The following EXOC6B variants were observed in gnomAD, a reference collection of about 807,000 sequenced individuals.
EXOC6B encodes the protein SEC15 homolog B.
In EXOC6B, 54 loss-of-function variants were observed where a neutral mutation model predicts 113.5. The observed-to-expected ratio is 0.48, with a 90% CI of 0.38 to 0.60. The LOEUF (loss-of-function observed/expected upper bound fraction) is 0.60. Among genes scored for constraint, EXOC6B ranks in the 20% least tolerant of loss-of-function variants. The pLI is 0.00. For missense variants in EXOC6B, 797 were observed against 977.5 expected (o/e 0.82, Z 2.46); for synonymous variants, 357 against 339.0 (o/e 1.05, Z -0.58).
At chr2:72,546,988 C>G (rs1256227786) in intron 8 of EXOC6B, among the ~76,000 whole-genome samples, 1 of 152,216 alleles carries the variant, frequency 6.6e-6, no homozygotes, top group African/African-American at 2.4e-5. Flanking sequence ...GGGATTCTTT[C>G]TGGGTCTATG....
At chr2:72,459,415 G>C (rs1279699922) in intron 18 of EXOC6B, among the ~76,000 whole-genome samples, 4 of 152,166 alleles carry the variant, frequency 2.6e-5, no homozygotes, top group Admixed American at 2.6e-4. Context: ...AAGTCAAATT[G>C]TCCCTGTTTG....
At position 72,397,625 on chromosome 2, in the gene EXOC6B, A is replaced by AAAT. The variant is rs1558625580; in HGVS notation, c.1981-17756_1981-17755insATT. On this transcript the variant is annotated intron_variant, in intron 18 of 21. Coordinates refer to ENST00000272427, the MANE Select transcript of EXOC6B (RefSeq NM_015189.3). The stretch of plus-strand genomic sequence containing the variant: ...CAGGTGAAACCTCATCTCAAAAAAA[A>AAAT]AAAATAAAATAAAATAAAATAAAAT... Among the ~76,000 whole-genome samples, 407 of 104,062 alleles carry AAAT rather than the reference A, an allele frequency of 3.9e-3. 3 individuals carry two copies. The highest frequency in any genetic ancestry group is 0.029 in the African/African-American group (371 of 12,618). The allele number at this position is 104,062 out of a possible 152,430, so 68.3% of individuals were successfully genotyped here.
chr2:72,467,943 G>C (rs1357094942), intron 17 of EXOC6B, among the ~76,000 whole-genome samples: 1 of 151,768 alleles, frequency 6.6e-6, no homozygotes, highest in Admixed American at 6.6e-5. Context: ...GCTAATTTTT[G>C]TATATTTAGT....
At position 72,448,091 on chromosome 2, in the gene EXOC6B, A is replaced by G. The variant is rs369169108; in HGVS notation, c.1980+17069T>C. ...TCCTTATGTGCCATTTAAGGCATTC[A>G]TGTTCAAGACACTATCTACGATACT... On this transcript the variant is annotated intron_variant, in intron 18 of 21. Transcript: ENST00000272427. 1.4e-4 allele frequency among the ~76,000 whole-genome samples: 22 copies of G among 152,306 alleles called. 2 individuals carry two copies. The highest frequency in any genetic ancestry group is 4.6e-4 in the African/African-American group (19 of 41,564).
At chr2:72,264,995 A>G (rs1011489054) in intron 20 of EXOC6B, among the ~76,000 whole-genome samples, 1 of 152,078 alleles carries the variant, frequency 6.6e-6, no homozygotes, top group Non-Finnish European at 1.5e-5. Context: ...GGTAGCTGCT[A>G]TAAAGATACC....
chr2:72,497,278 A>G (rs1700087866), intron 13 of EXOC6B, among the ~76,000 whole-genome samples: 1 of 151,998 alleles, frequency 6.6e-6, no homozygotes, highest in African/African-American at 2.4e-5. Flanking sequence ...TGGCCCATTG[A>G]TAAGGTTTTT....
chr2:72,379,217 A>G (rs56718524), intron 19 of EXOC6B, among the ~76,000 whole-genome samples: 29,478 of 152,136 alleles, frequency 0.19, 5,164 homozygotes, highest in African/African-American at 0.47. Flanking sequence ...AAACCAATAC[A>G]GCAACTGACT....
At chr2:72,635,066 C>T (rs909799771) in intron 6 of EXOC6B, among the ~76,000 whole-genome samples, 3 of 151,784 alleles carry the variant, frequency 2.0e-5, no homozygotes, top group Non-Finnish European at 4.4e-5. Context: ...ATAGCTAATG[C>T]AAGGAGGAAA....
chr2:72,205,552 G>C (rs1366198386), intron 20 of EXOC6B, among the ~76,000 whole-genome samples: 1 of 152,172 alleles, frequency 6.6e-6, no homozygotes, highest in African/African-American at 2.4e-5. Context: ...CCCAGACTGA[G>C]GTGATAGGCG....
chr2:72,516,752 T>C (rs1050561327), intron 8 of EXOC6B, among the ~76,000 whole-genome samples: 1 of 152,194 alleles, frequency 6.6e-6, no homozygotes, highest in African/African-American at 2.4e-5. Flanking sequence ...CTTTCACTAA[T>C]AAGTGTGCCA....
rs549939694 is a variant in EXOC6B at position 72,777,759 on chromosome 2, T to C, written c.114-36290A>G. On this transcript the variant is annotated intron_variant, in intron 1 of 21. Coordinates refer to ENST00000272427, the MANE Select transcript of EXOC6B (RefSeq NM_015189.3). ...CTGCAAAAAACAATACATATCTCTG[T>C]TGATGAGCATACATTGTATAAAGAT... Among the ~76,000 whole-genome samples, 17 of 152,132 alleles carry C rather than the reference T, an allele frequency of 1.1e-4. No individual in the cohort carries two copies. In the South Asian group the frequency reaches 3.3e-3, roughly 30 times the overall value.
At chr2:72,382,705 G>A (rs1213190594) in intron 18 of EXOC6B, among the ~76,000 whole-genome samples, 1 of 151,892 alleles carries the variant, frequency 6.6e-6, no homozygotes, top group African/African-American at 2.4e-5. Context: ...TGATTTATTT[G>A]AGCAGTGTTT....
Position 72,522,420 on chromosome 2 carries a change from CT to C in EXOC6B, c.916-7295del, listed in dbSNP as rs377232850. On this transcript the variant is annotated intron_variant, in intron 8 of 21. Coordinates refer to ENST00000272427, the MANE Select transcript of EXOC6B (RefSeq NM_015189.3). ...TCTCAGGCAACATTGGAAATAGTTT[CT>C]TTTTTTTTAACCTTTTGTTTATAGC... Among the ~76,000 whole-genome samples, 754 of 151,148 alleles carry C rather than the reference CT, an allele frequency of 5.0e-3. 11 individuals are homozygous for C. Among genetic ancestry groups the C allele is most frequent in the African/African-American group, 0.017 (696 of 41,208 alleles).
intron 18 of EXOC6B, among the ~76,000 whole-genome samples, chr2:72,410,241 C>A (rs1293932896): frequency 1.3e-5 from 2 of 152,218 alleles, no homozygotes; most frequent in African/African-American, 4.8e-5. Flanking sequence ...AGCTATATCA[C>A]AAATTATATG....
chr2:72,753,930 T>C (rs1682226303), intron 1 of EXOC6B, among the ~76,000 whole-genome samples: 1 of 152,154 alleles, frequency 6.6e-6, no homozygotes, highest in African/African-American at 2.4e-5. Flanking sequence ...CTTACCTTTT[T>C]AGTTTTTAGG....
At chr2:72,425,409 C>T (rs1462239678) in intron 18 of EXOC6B, among the ~76,000 whole-genome samples, 1 of 152,118 alleles carries the variant, frequency 6.6e-6, no homozygotes, top group Admixed American at 6.6e-5. Flanking sequence ...CATGTTATTA[C>T]TGATTGGAAG....
At chr2:72,707,226 T>C (rs952773509) in intron 6 of EXOC6B, among the ~76,000 whole-genome samples, 1 of 152,196 alleles carries the variant, frequency 6.6e-6, no homozygotes, top group African/African-American at 2.4e-5. Context: ...GCAGAAATAG[T>C]AACTGGAACA....
intron 6 of EXOC6B, among the ~76,000 whole-genome samples, chr2:72,715,246 T>G (rs1343206758): frequency 6.6e-6 from 1 of 151,766 alleles, no homozygotes; most frequent in Non-Finnish European, 1.5e-5. Context: ...AATAAACGTT[T>G]GTTCAGAACC....
chr2:72,509,697 T>C (rs1381540696), intron 11 of EXOC6B, among the ~76,000 whole-genome samples: 3 of 151,952 alleles, frequency 2.0e-5, no homozygotes, highest in African/African-American at 4.8e-5. Flanking sequence ...TAATAATATA[T>C]AGTAAAATAT....
Sources: gnomAD v4.1 joint callset for allele counts (sites outside exome capture counted in the v4.1 genomes callset) on GRCh38, gnomAD v4.1.1 for gene constraint, MANE v1.5 for transcripts, NCBI Gene and HGNC (gene_info 2026-07-23, HGNC 2026-07-21) for gene names.